Variants in EYA1 observed in about 807,000 individuals in gnomAD.
EYA1 encodes the protein EYA transcriptional coactivator and phosphatase 1.
Under a neutral mutation model 82.0 loss-of-function variants are expected in EYA1, and 16 were observed. The observed-to-expected ratio is 0.20, with a 90% CI of 0.13 to 0.30. The LOEUF (loss-of-function observed/expected upper bound fraction) is 0.30. Among genes scored for constraint, EYA1 ranks in the 10% least tolerant of loss-of-function variants. The pLI is 1.00. For missense variants in EYA1, 633 were observed against 730.7 expected, an observed-to-expected ratio of 0.87 and a Z score of 1.54; for synonymous variants, 261 against 264.4, an observed-to-expected ratio of 0.99 and a Z score of 0.12.
At chr8:71,423,035 AC>A (rs751017519) in intron 2 of EYA1, among the ~76,000 whole-genome samples, 2 of 152,110 alleles carry the variant, frequency 1.3e-5, no homozygotes, top group Non-Finnish European at 2.9e-5. Flanking sequence ...AAAAATAAGA[AC>A]CTAAATCAGA....
At chr8:71,475,879 T>C (rs1437861905) in intron 2 of EYA1, among the ~76,000 whole-genome samples, 1 of 152,216 alleles carries the variant, frequency 6.6e-6, no homozygotes, top group Non-Finnish European at 1.5e-5. Flanking sequence ...AATTTCAAAC[T>C]AATAATTCTT....
At chr8:71,294,503 T>C (rs908735583) in intron 9 of EYA1, among the ~76,000 whole-genome samples, 4 of 151,620 alleles carry the variant, frequency 2.6e-5, no homozygotes, top group Non-Finnish European at 5.9e-5. Flanking sequence ...CCATCAATAC[T>C]AGAGAGGGAA....
chr8:71,499,402 T>G (rs910636868), intron 2 of EYA1, among the ~76,000 whole-genome samples: 3 of 152,198 alleles, frequency 2.0e-5, no homozygotes, highest in Admixed American at 6.5e-5. Flanking sequence ...TCATCTCTAT[T>G]TTACAAACAC....
chr8:71,263,548 C>T (rs966363748), intron 11 of EYA1, among the ~76,000 whole-genome samples: 3 of 152,158 alleles, frequency 2.0e-5, no homozygotes, highest in Admixed American at 6.5e-5. Context: ...GGGCCCCAGG[C>T]GCATGTATGC....
intron 2 of EYA1, among the ~76,000 whole-genome samples, chr8:71,459,003 T>C (rs976700593): frequency 1.1e-4 from 17 of 152,102 alleles, no homozygotes; most frequent in Non-Finnish European, 1.9e-4. Flanking sequence ...CATGGTCTTC[T>C]AAACTAGATA....
chr8:71,301,913 GT>G (rs138671964), intron 7 of EYA1, among the ~76,000 whole-genome samples: 9 of 147,516 alleles, frequency 6.1e-5, no homozygotes, highest in African/African-American at 2.2e-4. Context: ...ACCAGTTTTT[GT>G]TTTTTTTTTA....
chr8:71,547,297 A>G (rs1180303019), intron 1 of EYA1, among the ~76,000 whole-genome samples: 1 of 152,112 alleles, frequency 6.6e-6, no homozygotes, highest in East Asian at 1.9e-4. Flanking sequence ...TGGCAATCAC[A>G]ACATCATATC....
chr8:71,340,084 C>T (rs567359907), intron 3 of EYA1, among the ~76,000 whole-genome samples: 9 of 152,298 alleles, frequency 5.9e-5, no homozygotes, highest in African/African-American at 2.2e-4. Context: ...TCAGCCTCTA[C>T]TCTCCCTGCT....
At chr8:71,302,766 C>G (rs907304181) in intron 7 of EYA1, among the ~76,000 whole-genome samples, 1 of 142,038 alleles carries the variant, frequency 7.0e-6, no homozygotes, top group African/African-American at 2.5e-5. Flanking sequence ...ACTTCTGCAG[C>G]AGCCTCCTCT....
At chr8:71,340,757 T>C (rs1825033041) in intron 3 of EYA1, among the ~76,000 whole-genome samples, 1 of 152,168 alleles carries the variant, frequency 6.6e-6, no homozygotes, top group Non-Finnish European at 1.5e-5. Flanking sequence ...AATGATCCTC[T>C]AAGACCAAAA....
intron 2 of EYA1, among the ~76,000 whole-genome samples, chr8:71,389,550 G>T (rs1304589726): frequency 6.6e-6 from 1 of 151,886 alleles, no homozygotes; most frequent in Non-Finnish European, 1.5e-5. Context: ...TGTCAAAAAG[G>T]GTCAATTTAG....
chr8:71,345,936 C>T (rs1382927959), intron 3 of EYA1, among the ~76,000 whole-genome samples: 1 of 152,124 alleles, frequency 6.6e-6, no homozygotes, highest in African/African-American at 2.4e-5. Flanking sequence ...TCATCATCAT[C>T]TTTGGTGTCT....
chr8:71,273,836 A>C (rs1248026169), intron 9 of EYA1, among the ~76,000 whole-genome samples: 1 of 152,218 alleles, frequency 6.6e-6, no homozygotes, highest in Non-Finnish European at 1.5e-5. Context: ...GACATCGAGC[A>C]ATGTAAGTTA....
intron 17 of EYA1, among the ~76,000 whole-genome samples, chr8:71,210,871 T>G (rs1808422797): frequency 6.6e-6 from 1 of 152,228 alleles, no homozygotes; most frequent in African/African-American, 2.4e-5. Context: ...GGCACATGTG[T>G]TATCTCTGCT....
intron 11 of EYA1, among the ~76,000 whole-genome samples, chr8:71,246,448 C>T (rs553800216): frequency 1.3e-5 from 2 of 152,314 alleles, no homozygotes; most frequent in East Asian, 3.9e-4. Flanking sequence ...TGCCCAATGT[C>T]AACTTTGTAC....
intron 2 of EYA1, among the ~76,000 whole-genome samples, chr8:71,495,541 G>T (rs969519758): frequency 1.3e-5 from 2 of 152,152 alleles, no homozygotes; most frequent in African/African-American, 4.8e-5. Context: ...GAACCTGAGA[G>T]ATAAAGGTTG....
intron 12 of EYA1, among the ~76,000 whole-genome samples, chr8:71,232,336 A>C (rs2128882532): frequency 6.6e-6 from 1 of 152,350 alleles, no homozygotes; most frequent in South Asian, 2.1e-4. Context: ...CTCCACAGTG[A>C]CTTCACACCC....
At position 71,321,918 on chromosome 8, in the gene EYA1, A is replaced by G. The variant is rs202158336; in HGVS notation, c.273-39T>C. 4.3e-6 allele frequency: 7 copies of G among 1,613,628 alleles called. No homozygotes were observed. The Admixed American group carries it at 8.3e-5, about 19-fold the overall frequency. On this transcript the variant is annotated intron_variant, in intron 5 of 17. Coordinates refer to ENST00000340726, the MANE Select transcript of EYA1 (RefSeq NM_000503.6). The stretch of plus-strand genomic sequence containing the variant: ...ATGACAGAAAATAGAAAGCCCATGC[A>G]TTAGATGGAAACATGCAAACCGATT...
intron 2 of EYA1, among the ~76,000 whole-genome samples, chr8:71,520,046 A>G (rs1333459224): frequency 1.3e-5 from 2 of 152,246 alleles, no homozygotes; most frequent in Non-Finnish European, 2.9e-5. Context: ...AATAAAGGGC[A>G]TGAAAGCAGA....
Sources: allele counts gnomAD v4.1 joint callset (sites outside exome capture counted in the v4.1 genomes callset), GRCh38; gene constraint gnomAD v4.1.1; transcripts MANE v1.5; gene names NCBI Gene and HGNC (gene_info 2026-07-23, HGNC 2026-07-21).